Variants in ATG7 observed in about 807,000 individuals in gnomAD.
ATG7 encodes autophagy related 7, also known as ubiquitin-like modifier-activating enzyme ATG7.
A neutral mutation model predicts 82.4 loss-of-function variants in ATG7; 70 were observed. That is an observed-to-expected ratio of 0.85 (90% CI 0.70 to 1.04). ATG7 has a LOEUF of 1.04. Ranked by LOEUF, ATG7 falls within the 50% of genes least tolerant of loss-of-function variation. The probability of loss-of-function intolerance (pLI) is 0.00; values close to 1 mark genes in which losing one functional copy is unlikely to be tolerated. For missense variants in ATG7, 792 were observed against 864.3 expected, an observed-to-expected ratio of 0.92 and a Z score of 1.05; for synonymous variants, 287 against 313.0, an observed-to-expected ratio of 0.92 and a Z score of 0.88.
intron 11 of ATG7, among the ~76,000 whole-genome samples, chr3:11,339,552 T>C (rs891151354): frequency 1.3e-5 from 2 of 152,010 alleles, no homozygotes; most frequent in Admixed American, 1.3e-4. Flanking sequence ...GGTCCTGAGA[T>C]GTAGGGAGCG....
chr3:11,297,640 G>A (rs1946161335), intron 3 of ATG7, among the ~76,000 whole-genome samples: 1 of 152,100 alleles, frequency 6.6e-6, no homozygotes, highest in Non-Finnish European at 1.5e-5. Flanking sequence ...ATATATCATG[G>A]CACAAAATAC....
chr3:11,280,207 C>T (rs1209158733), intron 1 of ATG7, among the ~76,000 whole-genome samples: 2 of 152,024 alleles, frequency 1.3e-5, no homozygotes, highest in African/African-American at 4.8e-5. Context: ...CCACCATGCC[C>T]GGCCCTTTTT....
chr3:11,304,943 C>A (rs1399269625), intron 5 of ATG7, among the ~76,000 whole-genome samples: 1 of 152,154 alleles, frequency 6.6e-6, no homozygotes, highest in African/African-American at 2.4e-5. Context: ...GCTGCCATTA[C>A]TATTAATTCC....
chr3:11,564,717 T>TCCTCACCACCTCCCTC, the ATG7 span: 1 of 1,301,116 alleles, frequency 7.7e-7, no homozygotes, highest in Non-Finnish European at 1.0e-6. Flanking sequence ...GCCCTCGGAG[T>TCCTCACCACCTCCCTC]CCTCTGCTCG....
the ATG7 span, among the ~76,000 whole-genome samples, chr3:11,565,995 A>T: frequency 1.3e-5 from 2 of 152,152 alleles, no homozygotes; most frequent in African/African-American, 4.8e-5. This position sits in a 1 kb window ranked among gnomAD's most constrained non-coding sequence, Gnocchi z 4.1. Flanking sequence ...TTAAAGAAAA[A>T]GGTGGTGAAT....
intron 19 of ATG7, among the ~76,000 whole-genome samples, chr3:11,405,979 C>CT (rs897211646): frequency 1.9e-4 from 23 of 119,784 alleles, no homozygotes; most frequent in South Asian, 1.3e-3. Flanking sequence ...TCCTTCCTTG[C>CT]TTTTTTTTGT....
At chr3:11,474,515 A>G (rs1227372391) in intron 20 of ATG7, among the ~76,000 whole-genome samples, 1 of 152,176 alleles carries the variant, frequency 6.6e-6, no homozygotes, top group Non-Finnish European at 1.5e-5. Context: ...TAGAAGGCTC[A>G]TCTGAGCACA....
At chr3:11,486,819 T>TG (rs1167410902) in intron 20 of ATG7, among the ~76,000 whole-genome samples, 59 of 78,186 alleles carry the variant, frequency 7.5e-4, no homozygotes, top group Admixed American at 3.3e-3. Flanking sequence ...TCTTTGGTTC[T>TG]GTTTTTTTTT....
chr3:11,439,069 CTTT>C (rs67206280), intron 20 of ATG7, among the ~76,000 whole-genome samples: 2 of 121,960 alleles, frequency 1.6e-5, no homozygotes, highest in East Asian at 2.3e-4. Flanking sequence ...TTCTTTCTTT[CTTT>C]TTTTTTTTTT....
intron 11 of ATG7, among the ~76,000 whole-genome samples, chr3:11,338,911 A>AT (rs948128611): frequency 2.6e-5 from 4 of 152,114 alleles, no homozygotes; most frequent in African/African-American, 4.8e-5. Flanking sequence ...GGGCAATACT[A>AT]TTTTTTTAAA....
At chr3:11,391,141 C>G (rs2078767659) in intron 19 of ATG7, among the ~76,000 whole-genome samples, 2 of 152,078 alleles carry the variant, frequency 1.3e-5, no homozygotes, top group Non-Finnish European at 2.9e-5. Context: ...TCATTTACAG[C>G]CATAAAAAAC....
intron 20 of ATG7, among the ~76,000 whole-genome samples, chr3:11,458,289 G>C (rs546121862): frequency 9.2e-5 from 14 of 151,902 alleles, no homozygotes; most frequent in African/African-American, 3.1e-4. Flanking sequence ...GTTTTGATGG[G>C]GTCTTGCTGT....
downstream of ATG7, among the ~76,000 whole-genome samples, chr3:11,561,488 A>C (rs1348945339): frequency 6.6e-6 from 1 of 151,822 alleles, no homozygotes; most frequent in Non-Finnish European, 1.5e-5. Flanking sequence ...CCTCCCCACA[A>C]CCCAGGCTGC....
intron 20 of ATG7, among the ~76,000 whole-genome samples, chr3:11,505,067 G>T (rs1421266022): frequency 6.6e-5 from 10 of 152,214 alleles, no homozygotes; most frequent in Non-Finnish European, 1.5e-4. Context: ...GTAACTAAAA[G>T]TATCAGGTAA....
chr3:11,312,312 AC>A (rs1204780036), intron 7 of ATG7, among the ~76,000 whole-genome samples: 3 of 152,204 alleles, frequency 2.0e-5, no homozygotes, highest in Non-Finnish European at 2.9e-5. Flanking sequence ...GCTGCCAAAT[AC>A]CCACATATGT....
intron 20 of ATG7, among the ~76,000 whole-genome samples, chr3:11,469,326 G>A (rs1229024093): frequency 6.6e-6 from 1 of 152,156 alleles, no homozygotes; most frequent in East Asian, 1.9e-4. Flanking sequence ...GCGCATGCCT[G>A]TGATCCCAGC....
At chr3:11,427,889 G>T (rs2082514373) in intron 20 of ATG7, among the ~76,000 whole-genome samples, 1 of 152,126 alleles carries the variant, frequency 6.6e-6, no homozygotes, top group South Asian at 2.1e-4. Context: ...GTGTATGGTG[G>T]TAGAGCTATT....
chr3:11,337,484 C>CTATA (rs1263847206), intron 11 of ATG7, among the ~76,000 whole-genome samples: 3 of 146,870 alleles, frequency 2.0e-5, no homozygotes, highest in South Asian at 2.1e-4. Flanking sequence ...CTCTCTCTCT[C>CTATA]TCTCTATATA....
chr3:11,331,293 A>G (rs1474738795), intron 9 of ATG7, 47 bp from the exon 10 acceptor site: 1 of 1,414,480 alleles, frequency 7.1e-7, no homozygotes, highest in Non-Finnish European at 1.0e-6. Flanking sequence ...TGTATTGTGA[A>G]GCTGACATGA....
Sources: allele counts gnomAD v4.1 joint callset (sites outside exome capture counted in the v4.1 genomes callset), GRCh38; gene constraint gnomAD v4.1.1; non-coding constraint Gnocchi (gnomAD v3.1); transcripts MANE v1.5; gene names NCBI Gene and HGNC (gene_info 2026-07-23, HGNC 2026-07-21).